The following FGF2 variants were observed in gnomAD, a reference collection of about 807,000 sequenced individuals.
FGF2 encodes the protein basic fibroblast growth factor bFGF.
FGF2 carries 13 observed loss-of-function variants against 15.9 expected under a neutral mutation model. The ratio of observed to expected loss-of-function variants is 0.82; its 90% CI spans 0.53 to 1.30. FGF2 has a LOEUF of 1.30. Ranked by LOEUF, FGF2 falls within the 50% of genes most tolerant of loss-of-function variation. The pLI, the probability that FGF2 is intolerant of heterozygous loss-of-function variation, is 0.00. For synonymous variants in FGF2, 90 were observed against 78.4 expected, an observed-to-expected ratio of 1.15 and a Z score of -0.78; for missense variants, 163 against 196.9, an observed-to-expected ratio of 0.83 and a Z score of 1.03.
At chr4:122,843,022 G>C (rs1214554810) in intron 1 of FGF2, among the ~76,000 whole-genome samples, 1 of 152,134 alleles carries the variant, frequency 6.6e-6, no homozygotes, top group Non-Finnish European at 1.5e-5. Flanking sequence ...TTGGGTGCTG[G>C]AGATGAAAAA....
rs528913094 is a variant in FGF2 at position 122,849,736 on chromosome 4, G to A, written c.178+22384G>A. On this transcript the variant is annotated intron_variant, in intron 1 of 2. Coordinates refer to ENST00000644866, the MANE Select transcript of FGF2 (RefSeq NM_001361665.2). ...ATTCAGTAATTTCTTTGAAGTAGGA[G>A]GGAATGCTGTCTCTGAGAGAGTTGT... 3.9e-5 allele frequency among the ~76,000 whole-genome samples: 6 copies of A among 152,318 alleles called. No homozygotes were observed. In the East Asian group the frequency reaches 9.6e-4, roughly 24 times the overall value.
rs373292533 is a variant in FGF2 at position 122,895,859 on chromosome 4, T to C, written c.*3463T>C. On this transcript the variant is annotated 3_prime_UTR_variant, in exon 3 of 3. Transcript: ENST00000644866. ...TAACTGTTTGTGATGGCAGTATTCC[T>C]AAAGTACATTGCATGTTTTCCTAAA... 5 of 152,354 alleles carry C rather than the reference T, an allele frequency of 3.3e-5. No individual in the cohort carries two copies. The highest frequency in any genetic ancestry group is 4.1e-4 in the South Asian group (2 of 4,826). 9.4% of individuals were successfully genotyped at this position (152,354 alleles called of 1,614,324 possible).
chr4:122,878,630 A>T (rs1006823370), intron 2 of FGF2, among the ~76,000 whole-genome samples: 4 of 152,176 alleles, frequency 2.6e-5, no homozygotes, highest in African/African-American at 9.7e-5. Flanking sequence ...TAAATTTGAG[A>T]AAGATCATCC....
At chr4:122,856,510 T>C (rs1211037915) in intron 1 of FGF2, among the ~76,000 whole-genome samples, 4 of 152,218 alleles carry the variant, frequency 2.6e-5, no homozygotes, top group East Asian at 1.9e-4. Context: ...ATCTTATTTA[T>C]ATTGCTTAGC....
At chr4:122,867,520 T>A (rs944573458) in intron 1 of FGF2, among the ~76,000 whole-genome samples, 1 of 152,202 alleles carries the variant, frequency 6.6e-6, no homozygotes, top group Non-Finnish European at 1.5e-5. Flanking sequence ...TATATTTTTT[T>A]AATTTTTTAG....
chr4:122,885,913 C>CTTTTTTTTTTTTTT (rs11310783), intron 2 of FGF2, among the ~76,000 whole-genome samples: 2 of 84,528 alleles, frequency 2.4e-5, no homozygotes, highest in African/African-American at 6.2e-5. Flanking sequence ...TTTTTTTTTC[C>CTTTTTTTTTTTTTT]TTTTTTTTTT....
intron 1 of FGF2, among the ~76,000 whole-genome samples, chr4:122,842,722 T>C (rs564176953): frequency 7.4e-4 from 113 of 152,330 alleles, no homozygotes; most frequent in Non-Finnish European, 1.2e-3. Flanking sequence ...TTTTATCTTA[T>C]GGTCTCTGGG....
chr4:122,854,323 C>T (rs1291072507), intron 1 of FGF2, among the ~76,000 whole-genome samples: 1 of 152,156 alleles, frequency 6.6e-6, no homozygotes, highest in Non-Finnish European at 1.5e-5. Context: ...TTTTGTGAAA[C>T]CAGTGGTAGT....
intron 1 of FGF2, among the ~76,000 whole-genome samples, chr4:122,852,189 T>C (rs1726245801): frequency 6.6e-6 from 1 of 152,206 alleles, no homozygotes; most frequent in Non-Finnish European, 1.5e-5. Flanking sequence ...TGCAACTGCA[T>C]AGTTCCCCTG....
At position 122,827,526 on chromosome 4, in the gene FGF2, C is replaced by T. The variant is rs1172697206; in HGVS notation, c.178+174C>T. On this transcript the variant is annotated intron_variant, in intron 1 of 2. Transcript: ENST00000644866. This position sits in a 1 kb window ranked among gnomAD's most constrained non-coding sequence, Gnocchi z 4.2. Reference sequence around the variant, plus strand: ...GGTTCACCACTCACCCCCTCCTTTCCGGGCTGCGGCGTAGGCCCGGGTGTC... The same window carrying T: ...GGTTCACCACTCACCCCCTCCTTTCTGGGCTGCGGCGTAGGCCCGGGTGTC... Among the ~76,000 whole-genome samples the T allele has an allele frequency of 6.6e-6, 1 of 152,130 alleles. No individual in the cohort carries two copies. The highest frequency in any genetic ancestry group is 2.4e-5 in the African/African-American group (1 of 41,430).
chr4:122,844,626 C>CCTTTCTTCCTTTCTTT (rs1726071220), intron 1 of FGF2, among the ~76,000 whole-genome samples: 1 of 117,944 alleles, frequency 8.5e-6, no homozygotes, highest in Non-Finnish European at 1.8e-5. Context: ...TTTCTTTCTT[C>CCTTTCTTCCTTTCTTT]CTTTCTTCCT....
chr4:122,872,543 CA>C (rs563776826), intron 1 of FGF2, among the ~76,000 whole-genome samples: 192 of 152,130 alleles, frequency 1.3e-3, no homozygotes, highest in Non-Finnish European at 2.3e-3. Flanking sequence ...AGATACTCCA[CA>C]AGAAGATCAA....
At position 122,892,715 on chromosome 4, in the gene FGF2, A is replaced by C. The variant is rs994757888; in HGVS notation, c.*319A>C. On this transcript the variant is annotated 3_prime_UTR_variant, in exon 3 of 3. Transcript: ENST00000644866. ...GCATGTTTAGAAACAAAATTTCTTC[A>C]TGGAAATCATATACATTAGAAAATC... 7 of 1,345,976 alleles carry C rather than the reference A, an allele frequency of 5.2e-6. No homozygotes were observed. The highest frequency in any genetic ancestry group is 6.9e-6 in the Non-Finnish European group (7 of 1,009,970). 83.4% of individuals were successfully genotyped at this position (1,345,976 alleles called of 1,614,324 possible).
At chr4:122,884,832 TGAG>T (rs1311691500) in intron 2 of FGF2, 2 of 152,358 alleles carry the variant, frequency 1.3e-5, no homozygotes, top group Non-Finnish European at 2.9e-5. Context: ...TGGGGGGATG[TGAG>T]GAGAACTTGG....
At position 122,892,943 on chromosome 4, in the gene FGF2, A is replaced by G. The variant is rs1727228636; in HGVS notation, c.*547A>G. The G allele has an allele frequency of 1.2e-6, 2 of 1,613,996 alleles. No individual in the cohort carries two copies. The highest frequency in any genetic ancestry group is 1.7e-6 in the Non-Finnish European group (2 of 1,180,006). On this transcript the variant is annotated 3_prime_UTR_variant, in exon 3 of 3. Coordinates refer to ENST00000644866, the MANE Select transcript of FGF2 (RefSeq NM_001361665.2). ...TTCCACAGTCAGGTCAATTTTGTCA[A>G]ACCCTTCTCTGTACCCATACAGCAG...
chr4:122,871,307 T>C (rs1015514454), intron 1 of FGF2, among the ~76,000 whole-genome samples: 1 of 152,086 alleles, frequency 6.6e-6, no homozygotes, highest in Non-Finnish European at 1.5e-5. Flanking sequence ...TGATTTGGGG[T>C]AGAGAGTTCT....
intron 1 of FGF2, among the ~76,000 whole-genome samples, chr4:122,871,781 C>CAAAAAAA (rs55677162): frequency 2.1e-5 from 2 of 94,310 alleles, no homozygotes; most frequent in African/African-American, 3.2e-5. Flanking sequence ...CATTGAAAGA[C>CAAAAAAA]AAAAAAAAAA....
chr4:122,878,439 A>T (rs183956840), intron 2 of FGF2, among the ~76,000 whole-genome samples: 5 of 152,326 alleles, frequency 3.3e-5, no homozygotes, highest in Non-Finnish European at 4.4e-5. Flanking sequence ...CTCTAGAATT[A>T]CAAGTAATTA....
At chr4:122,832,003 T>TTG (rs1440535950) in intron 1 of FGF2, among the ~76,000 whole-genome samples, 1 of 152,226 alleles carries the variant, frequency 6.6e-6, no homozygotes, top group African/African-American at 2.4e-5. Flanking sequence ...ATCAGTGATG[T>TTG]TGAAAAGACA....
Sources: allele counts gnomAD v4.1 joint callset (sites outside exome capture counted in the v4.1 genomes callset), GRCh38; gene constraint gnomAD v4.1.1; non-coding constraint Gnocchi (gnomAD v3.1); transcripts MANE v1.5; gene names NCBI Gene and HGNC (gene_info 2026-07-23, HGNC 2026-07-21).